The following TRIM67 variants were observed in gnomAD, a reference collection of about 807,000 sequenced individuals.
TRIM67 encodes the protein tripartite motif containing 67.
In TRIM67, 39 loss-of-function variants were observed where a neutral mutation model predicts 71.0. The ratio of observed to expected loss-of-function variants is 0.55; its 90% CI spans 0.43 to 0.72. The LOEUF is 0.72. Ranked by LOEUF, TRIM67 falls within the 30% of genes least tolerant of loss-of-function variation. The pLI is 0.00. For synonymous variants in TRIM67, 481 were observed against 473.9 expected (o/e 1.01, Z -0.19); for missense variants, 973 against 1,079.2 (o/e 0.90, Z 1.38).
chr1:231,209,162 A>G lies in TRIM67; in HGVS notation c.2035A>G (p.Met679Val), dbSNP rs114415891. ...GVARASVVKD[M>V]MLGKDDKAWA... is the part of the protein sequence containing the mutation. The stretch of plus-strand genomic sequence containing the variant: ...GGCCAGGGCCAGCGTGGTCAAGGAC[A>G]TGATGCTGGGCAAGGATGACAAGGC... The change falls in exon 8 of 10, where the codon ATG (methionine) becomes GTG (valine). Residue 679 changes from methionine to valine, a missense_variant. Met to Val is a conservative substitution (Grantham distance 21). Coordinates refer to ENST00000366653, the MANE Select transcript of TRIM67 (RefSeq NM_001004342.5). The surrounding 1 kb of genome is among the most constrained non-coding windows in gnomAD (Gnocchi z 4.1). 22,251 of 1,613,344 alleles carry G rather than the reference A, an allele frequency of 0.014. 184 individuals are homozygous for G. The highest frequency in any genetic ancestry group is 0.016 in the Non-Finnish European group (19,095 of 1,179,492).
Position 231,207,803 on chromosome 1 carries a change from TCCTTG to T in TRIM67, c.1819+1016_1819+1020del, listed in dbSNP as rs747531890. Among the ~76,000 whole-genome samples, 6 of 152,234 alleles carry T rather than the reference TCCTTG, an allele frequency of 3.9e-5. No individual in the cohort carries two copies. The East Asian group carries it at 1.2e-3, about 29-fold the overall frequency. On this transcript the variant is annotated intron_variant, in intron 7 of 9. Coordinates refer to ENST00000366653, the MANE Select transcript of TRIM67 (RefSeq NM_001004342.5). ...CTCCTGCCTGCCCAGAGATGAGCGG[TCCTTG>T]CCCTGTGCATTGTGGTCATGACTTT... is the stretch of plus-strand genomic sequence containing the variant.
At chr1:231,213,788 T>C in intron 8 of TRIM67, 27 bp from the exon 9 acceptor site, 2 of 1,551,074 alleles carry the variant, frequency 1.3e-6, no homozygotes, top group Non-Finnish European at 1.7e-6. Context: ...GGTGTGGTGA[T>C]GGTCTTCCTG....
chr1:231,190,648 G>A (rs28537451), intron 1 of TRIM67, among the ~76,000 whole-genome samples: 1,965 of 152,248 alleles, frequency 0.013, 20 homozygotes, highest in Admixed American at 0.021. Flanking sequence ...ACCCAGGGGC[G>A]TCCCTCTCCC....
intron 4 of TRIM67, among the ~76,000 whole-genome samples, 154 bp downstream of exon 4, chr1:231,200,412 G>A (rs1411683578): frequency 1.3e-5 from 2 of 152,162 alleles, no homozygotes; most frequent in Non-Finnish European, 2.9e-5. Flanking sequence ...CTCTCACCTT[G>A]GCTCTGACTC....
chr1:231,217,822 CAGGAG>C lies in TRIM67; in HGVS notation c.*2385_*2389del. 1 of 1,289,650 alleles carries C rather than the reference CAGGAG, an allele frequency of 7.8e-7. No individual in the cohort carries two copies. The highest frequency in any genetic ancestry group is 2.1e-4 in the Middle Eastern group (1 of 4,694). The allele number at this position is 1,289,650 out of a possible 1,614,324, so 79.9% of individuals were successfully genotyped here. ...CCCTTTGAGGGAGCAGCATCCAGGT[CAGGAG>C]AGAAGTGGAAAGTGCAGGAGGGTAA... On this transcript the variant is annotated 3_prime_UTR_variant, in exon 10 of 10. Transcript: ENST00000366653.
intron 1 of TRIM67, among the ~76,000 whole-genome samples, chr1:231,176,659 G>A (rs934185336): frequency 1.2e-4 from 18 of 152,060 alleles, no homozygotes; most frequent in Non-Finnish European, 1.9e-4. Flanking sequence ...TAAAAATGAA[G>A]GAACTCAGAC....
In TRIM67 at chr1:231,217,610, C is replaced by T; in HGVS notation, c.*2170C>T. The T allele has an allele frequency of 1.8e-6, 2 of 1,120,298 alleles. No homozygotes were observed. Among genetic ancestry groups the T allele is most frequent in the East Asian group, 6.5e-5 (1 of 15,476 alleles). The allele number at this position is 1,120,298 out of a possible 1,614,324, so 69.4% of individuals were successfully genotyped here. ...TTCTGAAAAAAAAACAGGCCTACAC[C>T]CTGCCCCCAGAATGAGAGTGGGCTA... On this transcript the variant is annotated 3_prime_UTR_variant, in exon 10 of 10. Coordinates refer to ENST00000366653, the MANE Select transcript of TRIM67 (RefSeq NM_001004342.5).
intron 1 of TRIM67, among the ~76,000 whole-genome samples, chr1:231,196,192 A>G (rs1231353548): frequency 6.6e-6 from 1 of 152,188 alleles, no homozygotes; most frequent in Admixed American, 6.5e-5. Flanking sequence ...TCACTGACAC[A>G]GTGACGTCTG....
intron 1 of TRIM67, among the ~76,000 whole-genome samples, chr1:231,192,354 T>C (rs941858168): frequency 6.6e-6 from 1 of 152,218 alleles, no homozygotes; most frequent in East Asian, 1.9e-4. Context: ...CAGCTCACTA[T>C]ATTACCCAGT....
intron 1 of TRIM67, among the ~76,000 whole-genome samples, chr1:231,168,670 TA>T (rs1682542710): frequency 6.6e-6 from 1 of 152,256 alleles, no homozygotes; most frequent in Non-Finnish European, 1.5e-5. Flanking sequence ...TAACTATTTT[TA>T]AAAAGAAGAT....
chr1:231,170,082 G>A (rs974661613), intron 1 of TRIM67, among the ~76,000 whole-genome samples: 4 of 149,716 alleles, frequency 2.7e-5, no homozygotes, highest in African/African-American at 5.0e-5. Flanking sequence ...CGCCTCCTGG[G>A]TTCAAGAGAT....
intron 1 of TRIM67, among the ~76,000 whole-genome samples, chr1:231,171,592 G>A (rs990347292): frequency 2.0e-5 from 3 of 152,120 alleles, no homozygotes; most frequent in African/African-American, 7.2e-5. Context: ...CAGACATTGG[G>A]AGGGGGCTTT....
intron 2 of TRIM67, 114 bp downstream of exon 2, chr1:231,197,580 C>G: frequency 4.5e-6 from 4 of 894,248 alleles, no homozygotes; most frequent in Non-Finnish European, 5.2e-6. Flanking sequence ...AATCCCAACA[C>G]TTTGGGAGGC....
In TRIM67 at chr1:231,218,266, T is replaced by C; in HGVS notation, c.*2826T>C. The C allele has an allele frequency of 8.0e-6, 8 of 994,406 alleles. No homozygotes were observed. Among genetic ancestry groups the C allele is most frequent in the Non-Finnish European group, 9.6e-6 (8 of 835,352 alleles). The allele number at this position is 994,406 out of a possible 1,614,324, so 61.6% of individuals were successfully genotyped here. ...TAACACGTTACATCATGGTGGCACA[T>C]TTGTACATACATATAAATGATATCA... On this transcript the variant is annotated 3_prime_UTR_variant, in exon 10 of 10. Transcript: ENST00000366653.
Position 231,218,906 on chromosome 1 carries a change from C to T in TRIM67, c.*3466C>T. 1 of 985,572 alleles carries T rather than the reference C, an allele frequency of 1.0e-6. No individual in the cohort carries two copies. Among genetic ancestry groups the T allele is most frequent in the Non-Finnish European group, 1.2e-6 (1 of 829,994 alleles). 61.1% of individuals were successfully genotyped at this position (985,572 alleles called of 1,614,324 possible). On this transcript the variant is annotated 3_prime_UTR_variant, in exon 10 of 10. Transcript: ENST00000366653. The stretch of plus-strand genomic sequence containing the variant: ...GCCCCTGCCCTCCGCCCCACCACAG[C>T]ACTCTCAGGAAAGGATCAGAATGCA...
In TRIM67 at chr1:231,215,737, C is replaced by T; in HGVS notation, c.*297C>T. 8.4e-7 allele frequency: 1 copy of T among 1,188,288 alleles called. No individual in the cohort carries two copies. 73.6% of individuals were successfully genotyped at this position (1,188,288 alleles called of 1,614,324 possible). ...TTTCTCAAGGGAGTCAGCATTCGGG[C>T]TTCATGTCTATGTTTCCTGCCATCT... On this transcript the variant is annotated 3_prime_UTR_variant, in exon 10 of 10. Transcript: ENST00000366653.
At chr1:231,184,684 G>T in intron 1 of TRIM67, 1 of 363,136 alleles carries the variant, frequency 2.8e-6, no homozygotes. Context: ...ATAATGGAAG[G>T]TCAACAGCAG....
intron 1 of TRIM67, among the ~76,000 whole-genome samples, chr1:231,192,777 G>A (rs540380542): frequency 7.9e-5 from 12 of 152,348 alleles, no homozygotes; most frequent in Non-Finnish European, 1.0e-4. Flanking sequence ...GGCGTGCATT[G>A]AGGTGACCTC....
intron 1 of TRIM67, chr1:231,187,453 A>G (rs1010635074): frequency 3.8e-6 from 5 of 1,328,336 alleles, no homozygotes; most frequent in Non-Finnish European, 2.0e-6. Flanking sequence ...CTGCCAACAG[A>G]TGAGGGCATT....
Sources: allele counts gnomAD v4.1 joint callset (sites outside exome capture counted in the v4.1 genomes callset), GRCh38; gene constraint gnomAD v4.1.1; non-coding constraint Gnocchi (gnomAD v3.1); transcripts MANE v1.5; gene names NCBI Gene and HGNC (gene_info 2026-07-23, HGNC 2026-07-21).